The following CC2D2B variants were observed in gnomAD, a reference collection of about 807,000 sequenced individuals.
CC2D2B encodes protein CC2D2B.
CC2D2B carries 128 observed loss-of-function variants against 161.2 expected under a neutral mutation model. That is an observed-to-expected ratio of 0.79 (90% confidence interval 0.69 to 0.92). CC2D2B has a LOEUF of 0.92. Ranked by LOEUF, CC2D2B falls within the 40% of genes least tolerant of loss-of-function variation. The probability of loss-of-function intolerance (pLI) is 0.00; values close to 1 mark genes in which losing one functional copy is unlikely to be tolerated. For missense variants in CC2D2B, 1,173 were observed against 1,375.1 expected (o/e 0.85, Z 2.32); for synonymous variants, 391 against 449.8 (o/e 0.87, Z 1.65).
rs1044789394 is a variant in CC2D2B at position 96,000,009 on chromosome 10, C to G, written c.2849+3757C>G. The G allele has an allele frequency of 6.5e-6, 8 of 1,223,130 alleles. No individual in the cohort carries two copies. In the Admixed American group the frequency reaches 1.3e-4, roughly 20 times the overall value. The allele number at this position is 1,223,130 out of a possible 1,614,324, so 75.8% of individuals were successfully genotyped here. On this transcript the variant is annotated intron_variant, in intron 24 of 34. Coordinates refer to ENST00000646931, the MANE Select transcript of CC2D2B (RefSeq NM_001349008.3). ...TAATTCTCTTGGCAAGAATCTTGCC[C>G]TTCTTTGTTTACAACAATGCCAACA...
chr10:95,924,739 A>G, intron 4 of CC2D2B, 40 bp from the exon 5 acceptor site: 2 of 1,293,836 alleles, frequency 1.5e-6, no homozygotes, highest in Non-Finnish European at 2.2e-6. Context: ...GAGCACAATT[A>G]TGTCTATTTC....
chr10:95,996,015 T>C (rs913816333), intron 23 of CC2D2B, 128 bp from the exon 24 acceptor site: 2 of 415,532 alleles, frequency 4.8e-6, no homozygotes, highest in East Asian at 3.4e-5. Flanking sequence ...AATAAATAAA[T>C]AAATAATGGT....
rs141194983 is a variant in CC2D2B at position 96,019,589 on chromosome 10, G to A, written c.3766-113G>A. 32 of 1,067,620 alleles carry A rather than the reference G, an allele frequency of 3.0e-5. No individual in the cohort carries two copies. The East Asian group carries it at 7.8e-4, about 26-fold the overall frequency. The allele number at this position is 1,067,620 out of a possible 1,614,324, so 66.1% of individuals were successfully genotyped here. ...TATCTCCTGCCTCAGAACCCCGCTG[G>A]GATTCTGCCACTTCATTGAGTAGTA... On this transcript the variant is annotated intron_variant, in intron 31 of 34. Coordinates refer to ENST00000646931, the MANE Select transcript of CC2D2B (RefSeq NM_001349008.3).
chr10:96,012,679 C>A lies in CC2D2B; in HGVS notation c.3376C>A (p.Pro1126Thr). The A allele has an allele frequency of 1.2e-6, 2 of 1,609,702 alleles. No homozygotes were observed. The highest frequency in any genetic ancestry group is 1.3e-5 in the African/African-American group (1 of 74,960). ...LVTRYIKALN[P>T]PQQLLDIFLH... is the part of the protein sequence containing the mutation. ...CACAAGATATATCAAGGCATTAAAT[C>A]CACCTCAGCAACTTCTGGATATATT... Residue 1126 changes from proline (P) to threonine (T), a missense_variant, in exon 28 of 35, where the codon CCA becomes ACA. Pro to Thr is a conservative substitution (Grantham distance 38, BLOSUM62 -1). Coordinates refer to ENST00000646931, the MANE Select transcript of CC2D2B (RefSeq NM_001349008.3).
Position 95,974,133 on chromosome 10 carries a change from A to C in CC2D2B, c.1920A>C (p.Gln640His), listed in dbSNP as rs190166673. Reference protein sequence around the residue: ...ENGLPLIPMPQSLRSSYCSML... With the variant: ...ENGLPLIPMPHSLRSSYCSML... ...GTCTTCCTCTGATACCTATGCCACAATCATTAAGATCTTCTTACTGCAGGT... is the reference window on the plus strand; with the variant it reads ...GTCTTCCTCTGATACCTATGCCACACTCATTAAGATCTTCTTACTGCAGGT... The change falls in exon 17 of 35, where the codon CAA (glutamine) becomes CAC (histidine). Residue 640 changes from glutamine (Q) to histidine (H), a missense_variant. Gln to His is a conservative substitution (Grantham distance 24). Coordinates refer to ENST00000646931, the MANE Select transcript of CC2D2B (RefSeq NM_001349008.3). The C allele has an allele frequency of 4.4e-3, 5,464 of 1,230,684 alleles. 28 individuals carry two copies. Among genetic ancestry groups the C allele is most frequent in the South Asian group, 6.4e-3 (155 of 24,284 alleles). 76.2% of individuals were successfully genotyped at this position (1,230,684 alleles called of 1,614,324 possible). A position where few individuals can be genotyped will look rare whatever the true frequency, so the allele number is the denominator to read the frequency against.
chr10:95,967,509 A>C (rs543109205), intron 14 of CC2D2B, among the ~76,000 whole-genome samples: 18 of 152,200 alleles, frequency 1.2e-4, no homozygotes, highest in Non-Finnish European at 2.1e-4. Flanking sequence ...TCCAGAAAAG[A>C]ATAATATGTC....
At chr10:96,002,936 C>G (rs1420312716) in intron 24 of CC2D2B, among the ~76,000 whole-genome samples, 1 of 150,704 alleles carries the variant, frequency 6.6e-6, no homozygotes, top group Non-Finnish European at 1.5e-5. Context: ...CCCAGCTACT[C>G]GAGAGGCTGA....
chr10:95,923,935 C>G (rs887777191), intron 3 of CC2D2B, among the ~76,000 whole-genome samples: 1 of 152,012 alleles, frequency 6.6e-6, no homozygotes, highest in South Asian at 2.1e-4. Context: ...GTAGGAGAAT[C>G]GCTTGAACCC....
At chr10:96,027,123 C>CA (rs372010486) in intron 33 of CC2D2B, 89 bp from the exon 34 acceptor site, 85,131 of 756,678 alleles carry the variant, frequency 0.11, 4 homozygotes, top group Non-Finnish European at 0.12. Flanking sequence ...GACTTCGTCT[C>CA]AAAAAAAAAA....
intron 34 of CC2D2B, among the ~76,000 whole-genome samples, chr10:96,029,802 T>C (rs1296079243): frequency 7.3e-6 from 1 of 136,578 alleles, no homozygotes; most frequent in African/African-American, 2.7e-5. Context: ...TTGTATTATT[T>C]TTTATTGTTG....
intron 4 of CC2D2B, 92 bp from the exon 5 acceptor site, chr10:95,924,687 T>G (rs2098535149): frequency 8.7e-6 from 7 of 806,330 alleles, no homozygotes; most frequent in Non-Finnish European, 1.2e-5. Flanking sequence ...AGAAAAACAT[T>G]GCAAAGTATT....
At chr10:96,025,185 A>ATATATATAT (rs1491443122) in intron 33 of CC2D2B, among the ~76,000 whole-genome samples, 13 of 16,276 alleles carry the variant, frequency 8.0e-4, no homozygotes, top group East Asian at 1.8e-3. Flanking sequence ...ATATATATAT[A>ATATATATAT]AAAAAAAATA....
intron 1 of CC2D2B, among the ~76,000 whole-genome samples, chr10:95,909,965 A>G (rs2098503152): frequency 6.6e-6 from 1 of 152,196 alleles, no homozygotes; most frequent in African/African-American, 2.4e-5. Context: ...TGAGCAACAC[A>G]GCGAGACCCT....
chr10:96,029,788 CTATTTG>C (rs2079987742), intron 34 of CC2D2B, among the ~76,000 whole-genome samples: 1 of 149,244 alleles, frequency 6.7e-6, no homozygotes, highest in Non-Finnish European at 1.5e-5. Context: ...ATATTGTTTT[CTATTTG>C]TATTATTTTT....
intron 9 of CC2D2B, among the ~76,000 whole-genome samples, chr10:95,940,880 T>C (rs2075999385): frequency 6.6e-6 from 1 of 152,128 alleles, no homozygotes; most frequent in Non-Finnish European, 1.5e-5. Context: ...AAAAATCCAA[T>C]AATTAATAAG....
intron 5 of CC2D2B, among the ~76,000 whole-genome samples, chr10:95,925,120 C>A (rs1016060131): frequency 1.2e-4 from 18 of 152,024 alleles, no homozygotes; most frequent in Admixed American, 3.9e-4. Context: ...AACTTAGGAA[C>A]ATTAAAAGTT....
intron 25 of CC2D2B, among the ~76,000 whole-genome samples, chr10:96,004,493 G>C (rs1384052981): frequency 1.3e-5 from 2 of 152,160 alleles, no homozygotes; most frequent in Non-Finnish European, 1.5e-5. Flanking sequence ...GGGAGAAGTA[G>C]GTTTCTGCAA....
Position 95,995,281 on chromosome 10 carries a change from G to A in CC2D2B, c.2655G>A (p.Met885Ile), listed in dbSNP as rs2078188148. 5.3e-6 allele frequency: 8 copies of A among 1,522,778 alleles called. No individual in the cohort carries two copies. Among genetic ancestry groups the A allele is most frequent in the Middle Eastern group, 1.7e-4 (1 of 5,968 alleles). 94.3% of individuals were successfully genotyped at this position (1,522,778 alleles called of 1,614,324 possible). The change falls in exon 23 of 35, where the codon ATG becomes ATA. Residue 885 changes from methionine (M) to isoleucine (I), a missense_variant. Physicochemically the swap from Met to Ile is conservative, Grantham distance 10. Transcript: ENST00000646931. ...RKTTINGSLD[M>I]PTCLKSSISC... ...GTTTTTCCTGAAGATCCTTGGATAT[G>A]CCTACTTGTTTGAAATCATCTATAT... is the stretch of plus-strand genomic sequence containing the variant.
Position 95,985,482 on chromosome 10 carries a change from T to C in CC2D2B, c.2286+1673T>C, listed in dbSNP as rs1030317176. Among the ~76,000 whole-genome samples, 4 of 152,316 alleles carry C rather than the reference T, an allele frequency of 2.6e-5. No homozygotes were observed. In the South Asian group the frequency reaches 6.2e-4, roughly 24 times the overall value. On this transcript the variant is annotated intron_variant, in intron 19 of 34. Transcript: ENST00000646931. ...ATTGTGAAGATTTCATGGACACTTA[T>C]CACTTCCCCAATCAATATTCTTGTG... is the stretch of plus-strand genomic sequence containing the variant.
Sources: gnomAD v4.1 joint callset for allele counts (sites outside exome capture counted in the v4.1 genomes callset) on GRCh38, gnomAD v4.1.1 for gene constraint, MANE v1.5 for transcripts, NCBI Gene and HGNC (gene_info 2026-07-23, HGNC 2026-07-21) for gene names.